ABCC4: variants seen among roughly 807,000 people sequenced by gnomAD.
ABCC4 encodes the protein ATP-binding cassette sub-family C member 4.
In ABCC4, 102 loss-of-function variants were observed where a neutral mutation model predicts 168.5. That is an observed-to-expected ratio of 0.61 (90% CI 0.52 to 0.71). The LOEUF (loss-of-function observed/expected upper bound fraction) is 0.71, where lower values mean the gene tolerates loss of function less well. Ranked by LOEUF, ABCC4 falls within the 30% of genes least tolerant of loss-of-function variation. The pLI, the probability that ABCC4 is intolerant of heterozygous loss-of-function variation, is 0.00. For missense variants in ABCC4, 1,402 were observed against 1,605.8 expected, an observed-to-expected ratio of 0.87 and a Z score of 2.17; for synonymous variants, 617 against 590.7, an observed-to-expected ratio of 1.04 and a Z score of -0.65.
Position 95,106,888 on chromosome 13 carries a change from A to G in ABCC4, c.2535+9034T>C, listed in dbSNP as rs566206319. ...CTATTTCTCTTTCACACATGAAATA[A>G]GGCACCCAGACTTTGTTGTCTAAAA... On this transcript the variant is annotated intron_variant, in intron 20 of 30. Transcript: ENST00000645237. 2.6e-5 allele frequency among the ~76,000 whole-genome samples: 4 copies of G among 152,244 alleles called. No individual in the cohort carries two copies. The East Asian group carries it at 7.7e-4, about 29-fold the overall frequency.
intron 4 of ABCC4, among the ~76,000 whole-genome samples, chr13:95,234,385 A>G (rs577514876): frequency 6.6e-6 from 1 of 152,356 alleles, no homozygotes; most frequent in South Asian, 2.1e-4. Context: ...GCATAAAGAA[A>G]AAAAACATTG....
At chr13:95,032,357 A>G (rs1345919368) in intron 30 of ABCC4, among the ~76,000 whole-genome samples, 1 of 152,220 alleles carries the variant, frequency 6.6e-6, no homozygotes, top group African/African-American at 2.4e-5. Flanking sequence ...CATCATTGCC[A>G]TCAGGGCTCA....
intron 20 of ABCC4, among the ~76,000 whole-genome samples, chr13:95,098,838 C>A (rs2034699061): frequency 6.6e-6 from 1 of 152,102 alleles, no homozygotes; most frequent in Non-Finnish European, 1.5e-5. Flanking sequence ...CATCTATACT[C>A]TACTAAAAAG....
chr13:95,038,782 T>G (rs1201260844), intron 29 of ABCC4, among the ~76,000 whole-genome samples: 1 of 152,168 alleles, frequency 6.6e-6, no homozygotes, highest in African/African-American at 2.4e-5. Flanking sequence ...CACAATTGGG[T>G]GACTGACCAG....
At chr13:95,064,252 G>GTATATA (rs763934713) in intron 25 of ABCC4, among the ~76,000 whole-genome samples, 9 of 118,156 alleles carry the variant, frequency 7.6e-5, no homozygotes, top group South Asian at 2.5e-4. Flanking sequence ...CCGGGTGTGT[G>GTATATA]TGTGTGTGTA....
At chr13:95,056,486 C>T (rs2033060326) in intron 26 of ABCC4, among the ~76,000 whole-genome samples, 1 of 152,010 alleles carries the variant, frequency 6.6e-6, no homozygotes, top group Non-Finnish European at 1.5e-5. Context: ...TCTTTAGATA[C>T]AAAAAGGTCA....
chr13:95,022,427 A>C (rs2031145160), intron 30 of ABCC4, among the ~76,000 whole-genome samples: 1 of 152,254 alleles, frequency 6.6e-6, no homozygotes, highest in African/African-American at 2.4e-5. Context: ...CATAAAGGAA[A>C]TGAAATGCTG....
At chr13:95,205,071 A>AGT (rs1162075790) in intron 8 of ABCC4, among the ~76,000 whole-genome samples, 1 of 152,252 alleles carries the variant, frequency 6.6e-6, no homozygotes, top group African/African-American at 2.4e-5. Flanking sequence ...ACATGAAAAA[A>AGT]GTGTTACTGA....
At chr13:95,033,694 C>G (rs1355309537) in intron 30 of ABCC4, among the ~76,000 whole-genome samples, 1 of 144,828 alleles carries the variant, frequency 6.9e-6, no homozygotes, top group Non-Finnish European at 1.5e-5. Flanking sequence ...CGGAGTTTCG[C>G]TCTTACTGCC....
chr13:95,213,101 T>A (rs888339451), intron 4 of ABCC4, among the ~76,000 whole-genome samples: 2 of 149,022 alleles, frequency 1.3e-5, no homozygotes, highest in Middle Eastern at 3.4e-3. Context: ...CACTCCAGCT[T>A]CGGCGACTGA....
chr13:95,150,660 C>T (rs1043215246), intron 19 of ABCC4, among the ~76,000 whole-genome samples: 1 of 152,156 alleles, frequency 6.6e-6, no homozygotes, highest in African/African-American at 2.4e-5. Flanking sequence ...TTCATGATAA[C>T]ATTACTTACA....
At chr13:95,157,088 CCACACACACACACACACA>C (rs67671921) in intron 19 of ABCC4, among the ~76,000 whole-genome samples, 8 of 134,618 alleles carry the variant, frequency 5.9e-5, no homozygotes, top group African/African-American at 9.0e-5. Context: ...TGAGACTCTA[CCACACACACACACACACA>C]CACACACACA....
intron 21 of ABCC4, among the ~76,000 whole-genome samples, chr13:95,077,257 C>G (rs2033937657): frequency 6.6e-6 from 1 of 152,242 alleles, no homozygotes; most frequent in Non-Finnish European, 1.5e-5. Context: ...TTAGCAAACA[C>G]TGACTTTGCT....
chr13:95,242,956 A>C (rs1239181558), intron 3 of ABCC4, among the ~76,000 whole-genome samples: 1 of 152,218 alleles, frequency 6.6e-6, no homozygotes, highest in Non-Finnish European at 1.5e-5. Flanking sequence ...ATCGGAACTA[A>C]AAGTTCTACC....
chr13:95,187,051 G>A (rs528564660), intron 10 of ABCC4, among the ~76,000 whole-genome samples, 159 bp from the exon 11 acceptor site: 36 of 152,170 alleles, frequency 2.4e-4, no homozygotes, highest in Non-Finnish European at 2.6e-4. Flanking sequence ...ATAACATAAT[G>A]GTCCACATAA....
At chr13:95,088,270 A>G (rs560585663) in intron 20 of ABCC4, among the ~76,000 whole-genome samples, 55 of 152,352 alleles carry the variant, frequency 3.6e-4, no homozygotes, top group African/African-American at 1.2e-3. Context: ...CCTTAAAAAT[A>G]CACATCTTAG....
intron 1 of ABCC4, among the ~76,000 whole-genome samples, chr13:95,261,378 G>A (rs1419977043): frequency 6.6e-6 from 1 of 152,102 alleles, no homozygotes; most frequent in Non-Finnish European, 1.5e-5. Context: ...GAACCCAAGA[G>A]GCAGATGTTG....
At chr13:95,201,304 T>C (rs1167990690) in intron 8 of ABCC4, among the ~76,000 whole-genome samples, 2 of 152,152 alleles carry the variant, frequency 1.3e-5, no homozygotes, top group Middle Eastern at 3.2e-3. Context: ...TCCTAAGGAT[T>C]TCTTCCCTAG....
At chr13:95,212,681 T>C (rs143537004) in intron 4 of ABCC4, among the ~76,000 whole-genome samples, 125 of 152,220 alleles carry the variant, frequency 8.2e-4, no homozygotes, top group Middle Eastern at 3.4e-3. Context: ...AGAGGTGGAA[T>C]AAAAGGCTGG....
Sources: allele counts gnomAD v4.1 joint callset (sites outside exome capture counted in the v4.1 genomes callset), GRCh38; gene constraint gnomAD v4.1.1; transcripts MANE v1.5; gene names NCBI Gene and HGNC (gene_info 2026-07-23, HGNC 2026-07-21).